Variants in PTBP2 observed in about 807,000 individuals in gnomAD.
PTBP2 encodes polypyrimidine tract binding protein 2, also known as polypyrimidine tract-binding protein 2.
PTBP2 carries 13 observed loss-of-function variants against 61.4 expected under a neutral mutation model. The observed-to-expected ratio is 0.21, with a 90% CI of 0.14 to 0.34. PTBP2 has a LOEUF of 0.34. Among genes scored for constraint, PTBP2 ranks in the 10% least tolerant of loss-of-function variants. The pLI, the probability that PTBP2 is intolerant of heterozygous loss-of-function variation, is 1.00. For missense variants in PTBP2, 405 were observed against 642.6 expected (o/e 0.63, Z 4.00); for synonymous variants, 215 against 218.5 (o/e 0.98, Z 0.14).
chr1:96,764,872 C>G (rs1656485772), intron 3 of PTBP2, among the ~76,000 whole-genome samples: 2 of 152,140 alleles, frequency 1.3e-5, no homozygotes, highest in African/African-American at 4.8e-5. Flanking sequence ...CTGTGTTTTT[C>G]CAGCTCATGC....
chr1:96,799,438 G>A lies in PTBP2; in HGVS notation c.905-5362G>A, dbSNP rs1259866521. On this transcript the variant is annotated intron_variant, in intron 8 of 13. Coordinates refer to ENST00000674951, the MANE Select transcript of PTBP2 (RefSeq NM_021190.4). Reference sequence around the variant, plus strand: ...AGCCTCCCGAGTAGCTGCTACTACAGGTGCCTGCCACCACGCCCAGCTAAT... The same window carrying A: ...AGCCTCCCGAGTAGCTGCTACTACAAGTGCCTGCCACCACGCCCAGCTAAT... 5.9e-5 allele frequency among the ~76,000 whole-genome samples: 9 copies of A among 151,804 alleles called. No individual in the cohort carries two copies. The East Asian group carries it at 1.4e-3, about 23-fold the overall frequency.
At chr1:96,817,715 T>C (rs1662537816), downstream of PTBP2, 1 of 152,102 alleles carries the variant, frequency 6.6e-6, no homozygotes, top group African/African-American at 2.4e-5. Context: ...AGTTCAAACC[T>C]TATTCTTTCC....
intron 5 of PTBP2, among the ~76,000 whole-genome samples, chr1:96,773,583 C>T (rs58047001): frequency 6.6e-6 from 1 of 152,064 alleles, no homozygotes; most frequent in Non-Finnish European, 1.5e-5. Flanking sequence ...ATGCTTTCCT[C>T]TAGGATAAAG....
intron 7 of PTBP2, among the ~76,000 whole-genome samples, chr1:96,779,652 C>T (rs1415886325): frequency 6.6e-6 from 1 of 152,022 alleles, no homozygotes; most frequent in Non-Finnish European, 1.5e-5. Flanking sequence ...AGTTATAATT[C>T]TAAGAGAGTA....
In PTBP2 at chr1:96,760,440, CTTTTTTTTT is replaced by C. The variant is rs989047792; in HGVS notation, c.115+8956_115+8964del. 7.0e-4 allele frequency among the ~76,000 whole-genome samples: 58 copies of C among 83,080 alleles called. 3 individuals are homozygous for C. In the South Asian group the frequency reaches 0.022, roughly 31 times the overall value. 54.5% of individuals were successfully genotyped at this position (83,080 alleles called of 152,430 possible). A position where few individuals can be genotyped will look rare whatever the true frequency, so the allele number is the denominator to read the frequency against. On this transcript the variant is annotated intron_variant, in intron 3 of 13. Coordinates refer to ENST00000674951, the MANE Select transcript of PTBP2 (RefSeq NM_021190.4). ...ATAACATAGTTGGGAAAATAGTTTGCTTTTTTTTTTTTTTTTTTTTTTTTGAGACAGAGT... is the reference window on the plus strand; with the variant it reads ...ATAACATAGTTGGGAAAATAGTTTGCTTTTTTTTTTTTTTTGAGACAGAGT...
Position 96,804,883 on chromosome 1 carries a change from C to G in PTBP2, c.988C>G (p.Pro330Ala), listed in dbSNP as rs1348281519. 6.2e-7 allele frequency: 1 copy of G among 1,611,482 alleles called. No individual in the cohort carries two copies. The highest frequency in any genetic ancestry group is 1.7e-5 in the Admixed American group (1 of 59,972). ...AAAAAGRVGM[P>A]GVSAGGNTVL... Reference sequence around the variant, plus strand: ...AGCTGCTGCTGGCCGAGTGGGTATGCCTGGAGTCTCAGCTGGTGGCAATAC... The same window carrying G: ...AGCTGCTGCTGGCCGAGTGGGTATGGCTGGAGTCTCAGCTGGTGGCAATAC... Residue 330 changes from proline to alanine, a missense_variant, in exon 9 of 14, where the codon CCT (proline) becomes GCT (alanine). Around this residue, in one of 4 missense-constraint regions of PTBP2, gnomAD observed 342 missense variants for 491.2 expected, o/e 0.70. Coordinates refer to ENST00000674951, the MANE Select transcript of PTBP2 (RefSeq NM_021190.4).
intron 3 of PTBP2, among the ~76,000 whole-genome samples, chr1:96,759,067 GA>G (rs1360473199): frequency 6.6e-6 from 1 of 151,748 alleles, no homozygotes; most frequent in Non-Finnish European, 1.5e-5. Context: ...AAAATATCAG[GA>G]AAAAAATTTG....
At chr1:96,737,164 A>G (rs1324514190) in intron 2 of PTBP2, among the ~76,000 whole-genome samples, 2 of 151,910 alleles carry the variant, frequency 1.3e-5, no homozygotes, top group African/African-American at 4.8e-5. Context: ...TATTTTTAGT[A>G]GAGATGGGTT....
Position 96,813,059 on chromosome 1 carries a change from A to C in PTBP2, c.1419A>C (p.Thr473=). ...PPSVAEEDLR[T]LFANTGGTVK... ...CAGTAGCAGAAGAGGATCTACGAAC[A>C]CTGTTCGCTAACACTGGGGGCACTG... The change falls in exon 13 of 14, where the codon ACA becomes ACC. Residue 473 remains threonine (T), a synonymous_variant. Coordinates refer to ENST00000674951, the MANE Select transcript of PTBP2 (RefSeq NM_021190.4). The C allele has an allele frequency of 6.2e-7, 1 of 1,613,406 alleles. No homozygotes were observed. The highest frequency in any genetic ancestry group is 8.5e-7 in the Non-Finnish European group (1 of 1,179,520).
intron 3 of PTBP2, among the ~76,000 whole-genome samples, chr1:96,767,697 T>C (rs1209573513): frequency 6.6e-6 from 1 of 152,142 alleles, no homozygotes; most frequent in African/African-American, 2.4e-5. Context: ...TTCTGTGCTT[T>C]AGCTTACATT....
Position 96,762,257 on chromosome 1 carries a change from A to C in PTBP2, c.116-7446A>C, listed in dbSNP as rs530440486. ...ATGAGCTGTTGGGTACACCTCCCAG[A>C]CGGGGTGGTGGCCGGGCAGAGGGGC... On this transcript the variant is annotated intron_variant, in intron 3 of 13. Coordinates refer to ENST00000674951, the MANE Select transcript of PTBP2 (RefSeq NM_021190.4). Among the ~76,000 whole-genome samples, 10 of 150,324 alleles carry C rather than the reference A, an allele frequency of 6.7e-5. No individual in the cohort carries two copies. The South Asian group carries it at 1.3e-3, about 19-fold the overall frequency.
At chr1:96,767,678 T>A (rs1656889770) in intron 3 of PTBP2, among the ~76,000 whole-genome samples, 1 of 152,162 alleles carries the variant, frequency 6.6e-6, no homozygotes, top group South Asian at 2.1e-4. Flanking sequence ...TATATGTGTA[T>A]TTTTTGGATT....
intron 8 of PTBP2, 161 bp from the exon 9 acceptor site, chr1:96,804,639 C>G (rs1195743554): frequency 1.6e-6 from 1 of 608,500 alleles, no homozygotes. Flanking sequence ...TACACATCAG[C>G]AAACAATTTT....
chr1:96,772,287 A>G (rs1314049437), intron 5 of PTBP2, among the ~76,000 whole-genome samples: 2 of 152,186 alleles, frequency 1.3e-5, no homozygotes, highest in Non-Finnish European at 2.9e-5. Flanking sequence ...AAGGATAATA[A>G]GCCTCTAATC....
intron 8 of PTBP2, among the ~76,000 whole-genome samples, chr1:96,788,241 A>G (rs1659416211): frequency 6.6e-6 from 1 of 152,100 alleles, no homozygotes; most frequent in Non-Finnish European, 1.5e-5. Context: ...GGATATTAAT[A>G]TGCATATTTT....
At chr1:96,787,213 G>T (rs1270349370) in intron 8 of PTBP2, among the ~76,000 whole-genome samples, 2 of 152,068 alleles carry the variant, frequency 1.3e-5, no homozygotes. Flanking sequence ...GTAGAGATGA[G>T]ATTTCACCAT....
Position 96,723,567 on chromosome 1 carries a change from C to A in PTBP2, c.12C>A (p.Ile4=), listed in dbSNP as rs759697796. 1 of 1,563,144 alleles carries A rather than the reference C, an allele frequency of 6.4e-7. No individual in the cohort carries two copies. The highest frequency in any genetic ancestry group is 2.3e-5 in the East Asian group (1 of 44,222). Residue 4 remains isoleucine (I), a synonymous_variant, in exon 2 of 14, where the codon ATC becomes ATA. Transcript: ENST00000674951. MDG[I]VTEVAVGVKR... is the part of the protein sequence containing the mutation. The stretch of plus-strand genomic sequence containing the variant: ...ACTACTTATTTTTTCTTTGCAGAAT[C>A]GTCACTGAGGTTGCAGTTGGCGTGA...
At chr1:96,808,150 C>G (rs944537156) in intron 11 of PTBP2, among the ~76,000 whole-genome samples, 1 of 151,996 alleles carries the variant, frequency 6.6e-6, no homozygotes, top group Non-Finnish European at 1.5e-5. Flanking sequence ...CTCAGATCTT[C>G]CAGATAGTTT....
chr1:96,817,223 A>G (rs918561273), downstream of PTBP2: 4 of 152,158 alleles, frequency 2.6e-5, no homozygotes, highest in African/African-American at 9.6e-5. Context: ...ACATACTCTC[A>G]TGAGCAGCTC....
Sources: allele counts gnomAD v4.1 joint callset (sites outside exome capture counted in the v4.1 genomes callset), GRCh38; gene constraint gnomAD v4.1.1; regional missense constraint gnomAD v4.1.1; transcripts MANE v1.5; gene names NCBI Gene and HGNC (gene_info 2026-07-23, HGNC 2026-07-21).